LRP4: variants seen among roughly 807,000 people sequenced by gnomAD.
The protein encoded by LRP4 is low-density lipoprotein receptor-related protein 4.
LRP4 carries 95 observed loss-of-function variants against 220.3 expected under a neutral mutation model. The ratio of observed to expected loss-of-function variants is 0.43; its 90% CI spans 0.37 to 0.51. LRP4 has a LOEUF of 0.51. Ranked by LOEUF, LRP4 falls within the 20% of genes least tolerant of loss-of-function variation. The pLI is 0.00. For synonymous variants in LRP4, 903 were observed against 954.6 expected (o/e 0.95, Z 1.00); for missense variants, 1,925 against 2,567.0 (o/e 0.75, Z 5.40).
chr11:46,889,233 G>GTCC (rs1941366338), intron 16 of LRP4, among the ~76,000 whole-genome samples, 178 bp downstream of exon 16: 1 of 152,198 alleles, frequency 6.6e-6, no homozygotes, highest in Non-Finnish European at 1.5e-5. Flanking sequence ...CTAGTGCTGG[G>GTCC]TCCTCAGTCC....
chr11:46,863,584 CAAAAAAAAA>C (rs55744712), intron 36 of LRP4, among the ~76,000 whole-genome samples: 5 of 54,148 alleles, frequency 9.2e-5, no homozygotes, highest in East Asian at 5.1e-4. Flanking sequence ...ACTAAAAATA[CAAAAAAAAA>C]AAAAAAAAAA....
In LRP4 at chr11:46,899,807, A is replaced by G. The variant is rs980010204; in HGVS notation, c.430+56T>C. The stretch of plus-strand genomic sequence containing the variant: ...AGGGCCATTGCTGCTATCTTCTCCC[A>G]TGGCCAGGCCACCCACTGGCCACCT... On this transcript the variant is annotated intron_variant, in intron 4 of 37. Transcript: ENST00000378623. This position sits in a 1 kb window ranked among gnomAD's most constrained non-coding sequence, Gnocchi z 5.9. The G allele has an allele frequency of 7.1e-7, 1 of 1,403,870 alleles. No individual in the cohort carries two copies. The allele number at this position is 1,403,870 out of a possible 1,614,324, so 87.0% of individuals were successfully genotyped here. A position where few individuals can be genotyped will look rare whatever the true frequency, so the allele number is the denominator to read the frequency against.
chr11:46,914,007 T>G (rs896754330), intron 1 of LRP4, among the ~76,000 whole-genome samples: 6 of 152,308 alleles, frequency 3.9e-5, no homozygotes. Flanking sequence ...CATAATTATT[T>G]ACCTGGCTCC....
chr11:46,899,831 C>T lies in LRP4; in HGVS notation c.430+32G>A. On this transcript the variant is annotated intron_variant, in intron 4 of 37. Transcript: ENST00000378623. This position sits in a 1 kb window ranked among gnomAD's most constrained non-coding sequence, Gnocchi z 5.9. The stretch of plus-strand genomic sequence containing the variant: ...CATGGCCAGGCCACCCACTGGCCAC[C>T]TTGCCTGCCTTCCCCCGTTGGGGTC... The T allele has an allele frequency of 6.3e-7, 1 of 1,593,444 alleles. No homozygotes were observed. The highest frequency in any genetic ancestry group is 8.6e-7 in the Non-Finnish European group (1 of 1,162,390).
At chr11:46,910,585 T>C (rs1474902761) in intron 1 of LRP4, among the ~76,000 whole-genome samples, 1 of 152,008 alleles carries the variant, frequency 6.6e-6, no homozygotes, top group Non-Finnish European at 1.5e-5. Context: ...ACCACCACCA[T>C]GGGTTAAGTT....
intron 2 of LRP4, among the ~76,000 whole-genome samples, chr11:46,902,046 G>A (rs572271275): frequency 4.0e-5 from 6 of 149,976 alleles, no homozygotes; most frequent in African/African-American, 9.7e-5. Flanking sequence ...GAAAATATAA[G>A]ATTTCTTACA....
At chr11:46,900,408 A>C (rs770732172) in intron 2 of LRP4, 30 bp from the exon 3 acceptor site, 16 of 1,353,182 alleles carry the variant, frequency 1.2e-5, no homozygotes, top group Non-Finnish European at 1.5e-5. Flanking sequence ...AAGAAAAGTC[A>C]ATCAACCTGG....
chr11:46,880,297 T>A, intron 20 of LRP4, among the ~76,000 whole-genome samples: 1 of 64,420 alleles, frequency 1.6e-5, no homozygotes, highest in Admixed American at 2.4e-4. Flanking sequence ...AAGACTGCAG[T>A]CTCAAAAAAA....
At position 46,902,913 on chromosome 11, in the gene LRP4, G is replaced by C. The variant is rs370359994; in HGVS notation, c.69C>G (p.Pro23=). Residue 23 remains proline, a synonymous_variant, in exon 2 of 38, where the codon CCC becomes CCG. Transcript: ENST00000378623. ...AGTGGCTCCGACCACAAGCACACTCGGGGCTGCTGGCCAGGCCTGGGCGGA... is the reference window on the plus strand; with the variant it reads ...AGTGGCTCCGACCACAAGCACACTCCGGGCTGCTGGCCAGGCCTGGGCGGA... ...LLCAHGLASS[P]ECACGRSHFT... 3.1e-6 allele frequency: 5 copies of C among 1,613,960 alleles called. No individual in the cohort carries two copies. The African/African-American group carries it at 6.7e-5, about 22-fold the overall frequency.
At position 46,875,807 on chromosome 11, in the gene LRP4, G is replaced by A. The variant is rs371951987; in HGVS notation, c.3696C>T (p.Thr1232=). The part of the protein sequence containing the change: ...SSQLLWADAH[T]ERIEAADLNG... Reference sequence around the variant, plus strand: ...GCAGCAGGGACACGGCTCTCACCTCGGTGTGGGCATCGGCCCATAGCAGTT... The same window carrying A: ...GCAGCAGGGACACGGCTCTCACCTCAGTGTGGGCATCGGCCCATAGCAGTT... The change falls in exon 26 of 38, where the codon ACC becomes ACT. Residue 1232 remains threonine, a synonymous_variant. Coordinates refer to ENST00000378623, the MANE Select transcript of LRP4 (RefSeq NM_002334.4). The surrounding 1 kb of genome is among the most constrained non-coding windows in gnomAD (Gnocchi z 4.5). The A allele has an allele frequency of 2.3e-5, 37 of 1,613,902 alleles. No individual in the cohort carries two copies. The highest frequency in any genetic ancestry group is 2.7e-5 in the Non-Finnish European group (32 of 1,180,020).
intron 1 of LRP4, among the ~76,000 whole-genome samples, chr11:46,911,608 A>AAGG (rs60596634): frequency 1.4e-5 from 2 of 140,020 alleles, no homozygotes; most frequent in African/African-American, 5.5e-5. Context: ...AAATAAATAA[A>AAGG]TAAATAAAAA....
intron 9 of LRP4, 63 bp from the exon 10 acceptor site, chr11:46,896,081 G>A (rs1490483592): frequency 1.9e-6 from 3 of 1,612,642 alleles, no homozygotes; most frequent in Non-Finnish European, 1.7e-6. Context: ...AGCCAACTTG[G>A]CATTCCACCT....
At chr11:46,874,708 T>C in intron 28 of LRP4, 92 bp downstream of exon 28, 2 of 1,091,666 alleles carry the variant, frequency 1.8e-6, no homozygotes, top group Non-Finnish European at 2.8e-6. Flanking sequence ...AAGTGCCAAA[T>C]CACTCATCCA....
chr11:46,869,266 C>T lies in LRP4; in HGVS notation c.4693-134G>A. The T allele has an allele frequency of 1.3e-5, 11 of 815,280 alleles. No individual in the cohort carries two copies. In the South Asian group the frequency reaches 1.6e-4, roughly 12 times the overall value. 50.5% of individuals were successfully genotyped at this position (815,280 alleles called of 1,614,324 possible). ...TCTTCATCTCTTCCTCATTTCTGTGCATCAACAGACATGACATTGTCAAGG... is the reference window on the plus strand; with the variant it reads ...TCTTCATCTCTTCCTCATTTCTGTGTATCAACAGACATGACATTGTCAAGG... On this transcript the variant is annotated intron_variant, in intron 31 of 37. Coordinates refer to ENST00000378623, the MANE Select transcript of LRP4 (RefSeq NM_002334.4).
At chr11:46,886,023 C>G in intron 18 of LRP4, 68 bp downstream of exon 18, 1 of 1,354,294 alleles carries the variant, frequency 7.4e-7, no homozygotes, top group South Asian at 1.2e-5. Context: ...CTCCTTCTAT[C>G]TGAGGCCAGG....
chr11:46,876,149 A>T (rs1941009316), intron 25 of LRP4, among the ~76,000 whole-genome samples, 183 bp from the exon 26 acceptor site: 1 of 152,194 alleles, frequency 6.6e-6, no homozygotes, highest in Non-Finnish European at 1.5e-5. Flanking sequence ...AAGGGCCACA[A>T]GGTATGTATT....
At position 46,918,284 on chromosome 11, in the gene LRP4, G is replaced by T; in HGVS notation, c.52+44C>A. The T allele has an allele frequency of 6.6e-7, 1 of 1,506,706 alleles. No individual in the cohort carries two copies. The highest frequency in any genetic ancestry group is 8.8e-7 in the Non-Finnish European group (1 of 1,132,522). 93.3% of individuals were successfully genotyped at this position (1,506,706 alleles called of 1,614,324 possible). Reference sequence around the variant, plus strand: ...CAGGTCCCGGGAGGCGAGTCCTGCAGCGGCCGGACCCAGGGACAAACTTTC... The same window carrying T: ...CAGGTCCCGGGAGGCGAGTCCTGCATCGGCCGGACCCAGGGACAAACTTTC... On this transcript the variant is annotated intron_variant, in intron 1 of 37. Coordinates refer to ENST00000378623, the MANE Select transcript of LRP4 (RefSeq NM_002334.4). This position sits in a 1 kb window ranked among gnomAD's most constrained non-coding sequence, Gnocchi z 6.0.
chr11:46,861,993 G>C (rs187786990), intron 37 of LRP4, among the ~76,000 whole-genome samples: 1 of 150,554 alleles, frequency 6.6e-6, no homozygotes, highest in Non-Finnish European at 1.5e-5. Context: ...ACTTGAACCC[G>C]GGAGGTGGAG....
intron 2 of LRP4, among the ~76,000 whole-genome samples, chr11:46,901,064 G>A (rs1941656401): frequency 1.3e-5 from 2 of 152,128 alleles, no homozygotes; most frequent in South Asian, 4.1e-4. Context: ...CCAAACTGTT[G>A]GGATTACAGG....
Sources: allele counts gnomAD v4.1 joint callset (sites outside exome capture counted in the v4.1 genomes callset), GRCh38; gene constraint gnomAD v4.1.1; non-coding constraint Gnocchi (gnomAD v3.1); transcripts MANE v1.5; gene names NCBI Gene and HGNC (gene_info 2026-07-23, HGNC 2026-07-21).